The following PKD1L3 variants were observed in gnomAD, a reference collection of about 807,000 sequenced individuals.
PKD1L3 encodes polycystin-1-like protein 3.
In PKD1L3, 239 loss-of-function variants were observed where a neutral mutation model predicts 184.1. The ratio of observed to expected loss-of-function variants is 1.30; its 90% CI spans 1.17 to 1.45. The LOEUF (loss-of-function observed/expected upper bound fraction) is 1.45, where lower values mean the gene tolerates loss of function less well. PKD1L3 is among the 40% of genes most tolerant of loss of function. The probability of loss-of-function intolerance (pLI) is 0.00; values close to 1 mark genes in which losing one functional copy is unlikely to be tolerated. For missense variants in PKD1L3, 2,660 were observed against 2,067.2 expected (o/e 1.29, Z -5.56); for synonymous variants, 996 against 778.8 (o/e 1.28, Z -4.64).
In PKD1L3 at chr16:71,934,047, A is replaced by C; in HGVS notation, c.4692T>G (p.Thr1564=). 1 of 1,551,928 alleles carries C rather than the reference A, an allele frequency of 6.4e-7. No homozygotes were observed. The highest frequency in any genetic ancestry group is 8.7e-7 in the Non-Finnish European group (1 of 1,147,048). Residue 1564 remains threonine (T), a synonymous_variant, in exon 27 of 30, where the codon ACT becomes ACG. Transcript: ENST00000620267. Reference sequence around the variant, plus strand: ...GACGCAGCAGGTTCCATAACTGAACAGTTGCCAGGAGAACCGGGAAGCCCA... The same window carrying C: ...GACGCAGCAGGTTCCATAACTGAACCGTTGCCAGGAGAACCGGGAAGCCCA... ...HLVGFPVLLA[T]VQLWNLLRHS... is the part of the protein sequence containing the mutation.
intron 16 of PKD1L3, among the ~76,000 whole-genome samples, chr16:71,959,913 T>A (rs2039204007): frequency 1.3e-5 from 2 of 150,436 alleles, no homozygotes; most frequent in Non-Finnish European, 3.0e-5. Context: ...AACCCAGGAG[T>A]TCAAGAACTA....
chr16:71,947,509 CTCTT>C lies in PKD1L3; in HGVS notation c.3697_3700del (p.Lys1233GlyfsTer25). The C allele has an allele frequency of 6.6e-7, 1 of 1,521,894 alleles. No individual in the cohort carries two copies. The highest frequency in any genetic ancestry group is 8.9e-7 in the Non-Finnish European group (1 of 1,129,074). 94.3% of individuals were successfully genotyped at this position (1,521,894 alleles called of 1,614,324 possible). A position where few individuals can be genotyped will look rare whatever the true frequency, so the allele number is the denominator to read the frequency against. On this transcript the variant is annotated frameshift_variant, in exon 22 of 30. Transcript: ENST00000620267. LOFTEE classifies it high-confidence loss of function. ...TGAGTTACCCAAGAGTGCCAAGATC[CTCTT>C]TGTTTGTTGTTCATTCTCTTTGTTA...
chr16:71,957,926 C>A (rs924348727), intron 16 of PKD1L3, among the ~76,000 whole-genome samples: 3 of 152,210 alleles, frequency 2.0e-5, no homozygotes, highest in Admixed American at 6.5e-5. Context: ...TGTCTTCTTA[C>A]AAGCCAAGTG....
chr16:71,946,115 C>T (rs2143291921), intron 22 of PKD1L3, among the ~76,000 whole-genome samples: 1 of 152,286 alleles, frequency 6.6e-6, no homozygotes, highest in African/African-American at 2.4e-5. Context: ...TGCACCACCA[C>T]ACCCAGCTAA....
At chr16:71,992,755 G>C (rs746268595) in intron 3 of PKD1L3, among the ~76,000 whole-genome samples, 1 of 152,196 alleles carries the variant, frequency 6.6e-6, no homozygotes. Flanking sequence ...ACCCCGAAGA[G>C]TGATCACGAG....
At chr16:71,962,315 A>G (rs2039312149) in intron 16 of PKD1L3, among the ~76,000 whole-genome samples, 1 of 152,162 alleles carries the variant, frequency 6.6e-6, no homozygotes, top group Non-Finnish European at 1.5e-5. Flanking sequence ...TGAAGGTAAG[A>G]AGGAGGTCAG....
intron 23 of PKD1L3, 120 bp downstream of exon 23, chr16:71,943,910 G>A (rs1341178530): frequency 8.4e-6 from 10 of 1,192,164 alleles, no homozygotes; most frequent in East Asian, 5.1e-5. Context: ...AATCTCACAG[G>A]GTGAAGATTT....
intron 22 of PKD1L3, among the ~76,000 whole-genome samples, chr16:71,944,687 C>A (rs1473744160): frequency 6.9e-6 from 1 of 145,762 alleles, no homozygotes; most frequent in Non-Finnish European, 1.5e-5. Flanking sequence ...ATAGCAAGAC[C>A]ATATCTGTTT....
At chr16:71,955,436 AAAAC>A (rs1006168255) in intron 16 of PKD1L3, among the ~76,000 whole-genome samples, 31 of 152,106 alleles carry the variant, frequency 2.0e-4, no homozygotes, top group Non-Finnish European at 3.7e-4. Context: ...CTCCATCTAA[AAAAC>A]AAACAAAAAA....
chr16:71,992,277 G>C (rs1163449472), intron 3 of PKD1L3, among the ~76,000 whole-genome samples: 1 of 152,170 alleles, frequency 6.6e-6, no homozygotes, highest in Non-Finnish European at 1.5e-5. Flanking sequence ...TCCCAATGAG[G>C]AGATTTTAAA....
At chr16:71,933,860 G>A in intron 27 of PKD1L3, 55 bp downstream of exon 27, 2 of 1,519,588 alleles carry the variant, frequency 1.3e-6, no homozygotes, top group Admixed American at 2.0e-5. Flanking sequence ...GGGAAGCGAT[G>A]CGATTCCAAG....
chr16:71,974,280 G>A (rs1597347533), intron 11 of PKD1L3, among the ~76,000 whole-genome samples: 1 of 152,234 alleles, frequency 6.6e-6, no homozygotes, highest in South Asian at 2.1e-4. Flanking sequence ...CAGTCTCTCT[G>A]GGCCTCAGCT....
chr16:71,957,192 A>AG (rs2039079895), intron 16 of PKD1L3, among the ~76,000 whole-genome samples: 1 of 152,190 alleles, frequency 6.6e-6, no homozygotes, highest in Non-Finnish European at 1.5e-5. Flanking sequence ...AACACAGAGA[A>AG]GGCAGTGATG....
intron 16 of PKD1L3, among the ~76,000 whole-genome samples, chr16:71,957,891 A>C (rs2039108649): frequency 6.6e-6 from 1 of 152,270 alleles, no homozygotes; most frequent in African/African-American, 2.4e-5. Context: ...TAAAGGGTCA[A>C]TTAAGAAGAT....
In PKD1L3 at chr16:71,986,281, T is replaced by G. The variant is rs764557124; in HGVS notation, c.774A>C (p.Glu258Asp). ...AAGAGGTGAAGGTATTCGGATGACC[T>G]TCTTCCTTTGGGCTTGAAGTTGTTT... The part of the protein sequence containing the change: ...LAETTSSPKE[E>D]GHPNTFTSYL... Residue 258 changes from glutamate to aspartate, a missense_variant, in exon 5 of 30, where the codon GAA (glutamate) becomes GAC (aspartate). Coordinates refer to ENST00000620267, the MANE Select transcript of PKD1L3 (RefSeq NM_181536.2). 4 of 1,552,282 alleles carry G rather than the reference T, an allele frequency of 2.6e-6. No individual in the cohort carries two copies. In the South Asian group the frequency reaches 4.8e-5, roughly 18 times the overall value.
intron 24 of PKD1L3, among the ~76,000 whole-genome samples, chr16:71,939,725 A>G (rs1258036105): frequency 2.0e-5 from 3 of 152,176 alleles, no homozygotes; most frequent in East Asian, 3.8e-4. Context: ...GTGATGGAAA[A>G]TGGAAGGATA....
At chr16:71,952,862 T>C (rs1318163227) in intron 18 of PKD1L3, 32 bp downstream of exon 18, 1 of 1,468,602 alleles carries the variant, frequency 6.8e-7, no homozygotes, top group Non-Finnish European at 9.1e-7. Context: ...GGCAATAAAA[T>C]AAGATAAAAT....
chr16:71,977,187 T>C (rs2039958791), intron 11 of PKD1L3, 49 bp downstream of exon 11: 1 of 1,380,962 alleles, frequency 7.2e-7, no homozygotes, highest in Non-Finnish European at 1.0e-6. Context: ...CACTACATCC[T>C]AGGCAAAAAG....
intron 14 of PKD1L3, 96 bp from the exon 15 acceptor site, chr16:71,967,411 T>G: frequency 8.4e-7 from 1 of 1,194,740 alleles, no homozygotes; most frequent in Non-Finnish European, 1.1e-6. Flanking sequence ...GAAAACTATT[T>G]AGATCAAGTC....
Sources: gnomAD v4.1 joint callset for allele counts (sites outside exome capture counted in the v4.1 genomes callset) on GRCh38, gnomAD v4.1.1 for gene constraint, MANE v1.5 for transcripts, NCBI Gene and HGNC (gene_info 2026-07-23, HGNC 2026-07-21) for gene names.